CDK14: variants seen among roughly 807,000 people sequenced by gnomAD.
CDK14 encodes the protein cyclin-dependent kinase 14.
A neutral mutation model predicts 60.7 loss-of-function variants in CDK14; 34 were observed. That is an observed-to-expected ratio of 0.56 (90% CI 0.43 to 0.75). The LOEUF (loss-of-function observed/expected upper bound fraction) is 0.75. CDK14 is among the 30% of genes least tolerant of loss of function. The probability of loss-of-function intolerance (pLI) is 0.00; values close to 1 mark genes in which losing one functional copy is unlikely to be tolerated. For missense variants in CDK14, 482 were observed against 564.1 expected, an observed-to-expected ratio of 0.85 and a Z score of 1.47; for synonymous variants, 197 against 203.7, an observed-to-expected ratio of 0.97 and a Z score of 0.28.
At chr7:91,009,637 T>G (rs954924104) in intron 10 of CDK14, among the ~76,000 whole-genome samples, 1 of 152,206 alleles carries the variant, frequency 6.6e-6, no homozygotes, top group African/African-American at 2.4e-5. Context: ...CTATATGTCT[T>G]CTTTGGTGAA....
intron 12 of CDK14, among the ~76,000 whole-genome samples, chr7:91,109,624 T>C (rs10266664): frequency 0.039 from 5,965 of 152,158 alleles, 389 homozygotes; most frequent in African/African-American, 0.13. Context: ...TCACAAAATG[T>C]AAATGGACTA....
intron 2 of CDK14, among the ~76,000 whole-genome samples, chr7:90,623,947 T>C: frequency 6.6e-6 from 1 of 152,240 alleles, no homozygotes; most frequent in East Asian, 1.9e-4. Flanking sequence ...TGAAACCCCT[T>C]TTCATGCTTG....
intron 10 of CDK14, among the ~76,000 whole-genome samples, chr7:91,026,965 A>G (rs2115906831): frequency 6.6e-6 from 1 of 152,290 alleles, no homozygotes; most frequent in South Asian, 2.1e-4. Flanking sequence ...TCCTTGGTAC[A>G]CTTAGGCAAA....
Position 90,955,793 on chromosome 7 carries a change from A to T in CDK14, c.923A>T (p.Glu308Val), listed in dbSNP as rs755525669. 6.2e-7 allele frequency: 1 copy of T among 1,613,346 alleles called. No homozygotes were observed. Among genetic ancestry groups the T allele is most frequent in the Non-Finnish European group, 8.5e-7 (1 of 1,179,416 alleles). The change falls in exon 9 of 15, where the codon GAA becomes GTA. Residue 308 changes from glutamate (E) to valine (V), a missense_variant. By Grantham distance (121) the Glu-to-Val change is moderately radical. Transcript: ENST00000380050. ...RPPDVLLGSTEYSTCLDMWGV... is the reference protein window; with the variant it reads ...RPPDVLLGSTVYSTCLDMWGV... ...CCAGATGTCCTTCTAGGCTCAACAGAATATTCCACCTGCCTTGACATGTGG... is the reference window on the plus strand; with the variant it reads ...CCAGATGTCCTTCTAGGCTCAACAGTATATTCCACCTGCCTTGACATGTGG...
intron 14 of CDK14, among the ~76,000 whole-genome samples, chr7:91,131,861 CA>C (rs1256141883): frequency 6.6e-6 from 1 of 152,148 alleles, no homozygotes; most frequent in Non-Finnish European, 1.5e-5. Flanking sequence ...GTTTTATCCT[CA>C]TTTTACCATT....
chr7:90,941,489 G>A (rs1037170771), intron 8 of CDK14, among the ~76,000 whole-genome samples: 1 of 152,134 alleles, frequency 6.6e-6, no homozygotes, highest in Admixed American at 6.6e-5. Flanking sequence ...TCCTGCAGGA[G>A]AGCAAGACAG....
At position 91,003,070 on chromosome 7, in the gene CDK14, C is replaced by CA. The variant is rs549987589; in HGVS notation, c.1041+18835dup. Among the ~76,000 whole-genome samples the CA allele has an allele frequency of 4.4e-4, 67 of 152,040 alleles. No individual in the cohort carries two copies. In the East Asian group the frequency reaches 0.012, roughly 27 times the overall value. On this transcript the variant is annotated intron_variant, in intron 10 of 14. Transcript: ENST00000380050. ...CTGGCGACAGTGCAAGACTCCGTCT[C>CA]AAAAAACAAAAAACAAACAGATGCA...
intron 1 of CDK14, among the ~76,000 whole-genome samples, chr7:90,599,756 T>A (rs567162380): frequency 2.0e-4 from 31 of 152,350 alleles, no homozygotes; most frequent in African/African-American, 6.0e-4. Context: ...CATGCTGACT[T>A]TATTTTGCTG....
chr7:90,863,143 T>C, intron 5 of CDK14, 32 bp from the exon 6 acceptor site: 3 of 1,221,780 alleles, frequency 2.5e-6, no homozygotes, highest in African/African-American at 3.0e-5. Context: ...TTATCCACGA[T>C]AAATTGTTTC....
At chr7:90,613,872 TG>T (rs1584741816) in intron 2 of CDK14, among the ~76,000 whole-genome samples, 1 of 152,074 alleles carries the variant, frequency 6.6e-6, no homozygotes, top group East Asian at 1.9e-4. Flanking sequence ...GGGTTGTGAT[TG>T]GGATGGCTTC....
chr7:90,828,989 A>G (rs1789818039), intron 5 of CDK14, among the ~76,000 whole-genome samples: 1 of 152,124 alleles, frequency 6.6e-6, no homozygotes, highest in Non-Finnish European at 1.5e-5. Context: ...GGCCTCAGGA[A>G]ACTTACAATT....
intron 2 of CDK14, among the ~76,000 whole-genome samples, chr7:90,626,032 A>G (rs557667682): frequency 6.6e-6 from 1 of 152,336 alleles, no homozygotes; most frequent in South Asian, 2.1e-4. Context: ...TTTAATTTAT[A>G]GTTATACCTC....
At chr7:90,695,701 G>A (rs370640924) in intron 2 of CDK14, among the ~76,000 whole-genome samples, 15 of 152,190 alleles carry the variant, frequency 9.9e-5, no homozygotes, top group African/African-American at 3.6e-4. Flanking sequence ...TGTGAGTGTA[G>A]ATGTGAAAGA....
At chr7:90,619,833 T>C (rs1350779527) in intron 2 of CDK14, among the ~76,000 whole-genome samples, 1 of 152,110 alleles carries the variant, frequency 6.6e-6, no homozygotes, top group Non-Finnish European at 1.5e-5. Flanking sequence ...CTGTCTCTAC[T>C]AAAAAATACA....
chr7:91,023,541 C>T (rs1366127994), intron 10 of CDK14, among the ~76,000 whole-genome samples: 1 of 152,116 alleles, frequency 6.6e-6, no homozygotes, highest in African/African-American at 2.4e-5. Context: ...CTCAGAGTTG[C>T]TAAATACTCA....
At chr7:91,139,786 CT>C (rs1800393593) in intron 14 of CDK14, among the ~76,000 whole-genome samples, 1 of 12,148 alleles carries the variant, frequency 8.2e-5, no homozygotes, top group African/African-American at 2.1e-4. Flanking sequence ...TTTTTCTTTC[CT>C]TTCTTTCTTT....
At chr7:90,711,300 A>G (rs968045121) in intron 2 of CDK14, among the ~76,000 whole-genome samples, 1 of 151,988 alleles carries the variant, frequency 6.6e-6, no homozygotes, top group African/African-American at 2.4e-5. Flanking sequence ...GAGGTTGGAC[A>G]TTGATTGTTG....
intron 11 of CDK14, among the ~76,000 whole-genome samples, chr7:91,076,806 G>GA (rs925444061): frequency 4.0e-4 from 61 of 151,728 alleles, no homozygotes; most frequent in African/African-American, 1.4e-3. Context: ...GATTTACAAG[G>GA]AAAAAACAAC....
chr7:91,112,933 G>A (rs17163593), intron 13 of CDK14, among the ~76,000 whole-genome samples: 20,661 of 151,780 alleles, frequency 0.14, 2,247 homozygotes, highest in East Asian at 0.59. Flanking sequence ...CCATTCATTT[G>A]CTAGCTTACC....
Sources: allele counts gnomAD v4.1 joint callset (sites outside exome capture counted in the v4.1 genomes callset), GRCh38; gene constraint gnomAD v4.1.1; transcripts MANE v1.5; gene names NCBI Gene and HGNC (gene_info 2026-07-23, HGNC 2026-07-21).